SPEN: variants seen among roughly 807,000 people sequenced by gnomAD.
SPEN encodes msx2-interacting protein.
In SPEN, 18 loss-of-function variants were observed where a neutral mutation model predicts 269.9. The ratio of observed to expected loss-of-function variants is 0.07; its 90% CI spans 0.05 to 0.10. The LOEUF (loss-of-function observed/expected upper bound fraction) is 0.10. SPEN is among the 10% of genes least tolerant of loss of function. SPEN has a pLI of 1.00. For synonymous variants in SPEN, 1,726 were observed against 1,765.7 expected (o/e 0.98, Z 0.56); for missense variants, 3,822 against 4,631.2 (o/e 0.83, Z 5.07).
chr1:15,916,038 T>G (rs2071064045), intron 5 of SPEN, 90 bp from the exon 6 acceptor site: 7 of 1,426,874 alleles, frequency 4.9e-6, no homozygotes, highest in Non-Finnish European at 6.6e-6. Flanking sequence ...TTCAGACATT[T>G]TGTTTTTTAA....
chr1:15,923,652 A>G (rs1479970583), intron 10 of SPEN, among the ~76,000 whole-genome samples: 1 of 150,490 alleles, frequency 6.6e-6, no homozygotes, highest in African/African-American at 2.4e-5. Context: ...ATATTGTACA[A>G]CAGTCGTTGA....
intron 1 of SPEN, among the ~76,000 whole-genome samples, chr1:15,850,425 A>T (rs1176434775): frequency 6.6e-6 from 1 of 151,862 alleles, no homozygotes; most frequent in Non-Finnish European, 1.5e-5. Flanking sequence ...TTTTAAACAA[A>T]TCTATTTAGT....
intron 1 of SPEN, among the ~76,000 whole-genome samples, chr1:15,860,077 A>G (rs1296925989): frequency 1.3e-5 from 2 of 151,002 alleles, no homozygotes; most frequent in African/African-American, 4.9e-5. Context: ...ACACCCGGCT[A>G]ATTTTTTGTA....
chr1:15,930,052 A>C lies in SPEN; in HGVS notation c.3812A>C (p.Glu1271Ala), dbSNP rs201196356. Residue 1271 changes from glutamate (E) to alanine (A), a missense_variant, in exon 11 of 15, where the codon GAA becomes GCA. Transcript: ENST00000375759. The surrounding 1 kb of genome is among the most constrained non-coding windows in gnomAD (Gnocchi z 5.3). ...SPSVRHGSFH[E>A]DEDPIGSPRL... ...AGTGTCCGACATGGTTCCTTCCATG[A>C]AGATGAGGATCCCATAGGCTCCCCT... 3.9e-4 allele frequency: 636 copies of C among 1,614,084 alleles called. 1 individual carries two copies. The highest frequency in any genetic ancestry group is 4.9e-4 in the Non-Finnish European group (574 of 1,180,044).
Position 15,932,818 on chromosome 1 carries a change from A to T in SPEN, c.6578A>T (p.Asp2193Val), listed in dbSNP as rs746525894. 2 of 1,614,244 alleles carry T rather than the reference A, an allele frequency of 1.2e-6. No homozygotes were observed. The change falls in exon 11 of 15, where the codon GAT becomes GTT. Residue 2193 changes from aspartate (D) to valine (V), a missense_variant. By Grantham distance (152) the Asp-to-Val change is radical. Around this residue, in one of 16 missense-constraint regions of SPEN, gnomAD observed 727 missense variants for 737.9 expected, o/e 0.99. Coordinates refer to ENST00000375759, the MANE Select transcript of SPEN (RefSeq NM_015001.3). The surrounding 1 kb of genome is among the most constrained non-coding windows in gnomAD (Gnocchi z 4.2). ...TCTGCCTCTGCTGCCTATAAGGCAGATGCACCAGAGGGCCTTGCCCCAGAG... is the reference window on the plus strand; with the variant it reads ...TCTGCCTCTGCTGCCTATAAGGCAGTTGCACCAGAGGGCCTTGCCCCAGAG... ...EASASAAYKA[D>V]APEGLAPEDR...
At chr1:15,865,503 G>C (rs1569978926) in intron 1 of SPEN, among the ~76,000 whole-genome samples, 1 of 143,860 alleles carries the variant, frequency 7.0e-6, no homozygotes, top group Admixed American at 7.2e-5. Flanking sequence ...GCTCACTGCA[G>C]CCTCCACCTC....
intron 13 of SPEN, 103 bp downstream of exon 13, chr1:15,938,109 C>T (rs1224847430): frequency 2.8e-6 from 3 of 1,070,656 alleles, no homozygotes; most frequent in Non-Finnish European, 4.0e-6. Flanking sequence ...GAAGCATTAA[C>T]TGTATTCTTG....
At chr1:15,926,930 G>C (rs1039082830) in intron 10 of SPEN, among the ~76,000 whole-genome samples, 3 of 152,084 alleles carry the variant, frequency 2.0e-5, no homozygotes, top group Non-Finnish European at 4.4e-5. Context: ...CTAACCTCGT[G>C]ATCCGCCTGC....
At chr1:15,875,671 T>C (rs2070624315) in intron 2 of SPEN, among the ~76,000 whole-genome samples, 1 of 152,162 alleles carries the variant, frequency 6.6e-6, no homozygotes, top group South Asian at 2.1e-4. Flanking sequence ...CAAAACTTAA[T>C]GAAAAAAAGT....
At chr1:15,890,346 C>T (rs1448727335) in intron 3 of SPEN, among the ~76,000 whole-genome samples, 3 of 151,886 alleles carry the variant, frequency 2.0e-5, no homozygotes, top group Admixed American at 6.6e-5. Context: ...ATTTTCCTGC[C>T]TCAGCCTCCC....
chr1:15,887,958 G>T (rs909585312), intron 3 of SPEN, among the ~76,000 whole-genome samples: 3 of 151,480 alleles, frequency 2.0e-5, no homozygotes, highest in African/African-American at 7.3e-5. Flanking sequence ...AGCCCTGGAG[G>T]CAGAGGTTGC....
At chr1:15,888,742 C>G (rs1427226237) in intron 3 of SPEN, among the ~76,000 whole-genome samples, 1 of 151,938 alleles carries the variant, frequency 6.6e-6, no homozygotes, top group Admixed American at 6.6e-5. Context: ...AAGTGATTCT[C>G]CTGCCTCAGT....
Position 15,932,085 on chromosome 1 carries a change from C to T in SPEN, c.5845C>T (p.Arg1949Trp), listed in dbSNP as rs749892338. Residue 1949 changes from arginine (R) to tryptophan (W), a missense_variant, in exon 11 of 15, where the codon CGG (arginine) becomes TGG (tryptophan). Transcript: ENST00000375759. The surrounding 1 kb of genome is among the most constrained non-coding windows in gnomAD (Gnocchi z 4.2). The stretch of plus-strand genomic sequence containing the variant: ...GGCTGCAGCGGTTCCCACCACCCCT[C>T]GGAGGGGAAGGCCTCCAAAGACACG... Reference protein sequence around the residue: ...QEAAAVPTTPRRGRPPKTRRR... With the variant: ...QEAAAVPTTPWRGRPPKTRRR... The T allele has an allele frequency of 1.2e-6, 2 of 1,613,998 alleles. No individual in the cohort carries two copies. The highest frequency in any genetic ancestry group is 1.7e-6 in the Non-Finnish European group (2 of 1,180,044).
chr1:15,933,852 C>G lies in SPEN; in HGVS notation c.7612C>G (p.Leu2538Val). 2 of 1,613,590 alleles carry G rather than the reference C, an allele frequency of 1.2e-6. No individual in the cohort carries two copies. The highest frequency in any genetic ancestry group is 1.7e-5 in the Admixed American group (1 of 60,022). ...CAGCTCCAGCACCCTGAGGAAGATTCTCATGGACCCCAAGTATGTGTCTGC... is the reference window on the plus strand; with the variant it reads ...CAGCTCCAGCACCCTGAGGAAGATTGTCATGGACCCCAAGTATGTGTCTGC... ...DTSSSTLRKI[L>V]MDPKYVSATS... is the part of the protein sequence containing the mutation. The change falls in exon 11 of 15, where the codon CTC (leucine) becomes GTC (valine). Residue 2538 changes from leucine to valine, a missense_variant. Physicochemically the swap from Leu to Val is conservative, Grantham distance 32. Coordinates refer to ENST00000375759, the MANE Select transcript of SPEN (RefSeq NM_015001.3). This position sits in a 1 kb window ranked among gnomAD's most constrained non-coding sequence, Gnocchi z 5.7.
At chr1:15,885,055 A>G (rs1323560964) in intron 3 of SPEN, among the ~76,000 whole-genome samples, 2 of 152,272 alleles carry the variant, frequency 1.3e-5, no homozygotes, top group Middle Eastern at 3.4e-3. Context: ...TTAAAGTATT[A>G]AACAAATTAA....
chr1:15,918,321 C>G (rs753034542), intron 6 of SPEN, among the ~76,000 whole-genome samples: 12 of 152,350 alleles, frequency 7.9e-5, no homozygotes, highest in Non-Finnish European at 1.5e-4. Flanking sequence ...CGGGTTCAAG[C>G]GATTCTCTTG....
chr1:15,860,622 G>C lies in SPEN; in HGVS notation c.84-12194G>C, dbSNP rs559328920. On this transcript the variant is annotated intron_variant, in intron 1 of 14. Coordinates refer to ENST00000375759, the MANE Select transcript of SPEN (RefSeq NM_015001.3). ...GGCTATTAGTGACTTTTTTTTTTTT[G>C]AGATGGAGTCTTGCTCTGTCTCCAG... Among the ~76,000 whole-genome samples the C allele has an allele frequency of 8.7e-4, 127 of 145,974 alleles. 1 individual carries two copies. Among genetic ancestry groups the C allele is most frequent in the African/African-American group, 3.1e-3 (122 of 39,522 alleles).
At chr1:15,889,363 A>G (rs1361885456) in intron 3 of SPEN, among the ~76,000 whole-genome samples, 1 of 151,748 alleles carries the variant, frequency 6.6e-6, no homozygotes, top group Non-Finnish European at 1.5e-5. Flanking sequence ...ATGGGGTTTC[A>G]CCATGTTGGT....
At chr1:15,909,931 C>A (rs1421194681) in intron 4 of SPEN, among the ~76,000 whole-genome samples, 1 of 151,890 alleles carries the variant, frequency 6.6e-6, no homozygotes, top group African/African-American at 2.4e-5. Context: ...CGAGACCATC[C>A]TGGCTAACAT....
Sources: allele counts gnomAD v4.1 joint callset (sites outside exome capture counted in the v4.1 genomes callset), GRCh38; gene constraint gnomAD v4.1.1; regional missense constraint gnomAD v4.1.1; non-coding constraint Gnocchi (gnomAD v3.1); transcripts MANE v1.5; gene names NCBI Gene and HGNC (gene_info 2026-07-23, HGNC 2026-07-21).